TTC28: variants seen among roughly 807,000 people sequenced by gnomAD.
TTC28 encodes the protein tetratricopeptide repeat protein 28.
A neutral mutation model predicts 198.0 loss-of-function variants in TTC28; 61 were observed. That is an observed-to-expected ratio of 0.31 (90% CI 0.25 to 0.38). The LOEUF (loss-of-function observed/expected upper bound fraction) is 0.38. Ranked by LOEUF, TTC28 falls within the 10% of genes least tolerant of loss-of-function variation. The probability of loss-of-function intolerance (pLI) is 1.00; values close to 1 mark genes in which losing one functional copy is unlikely to be tolerated. For synonymous variants in TTC28, 1,171 were observed against 1,297.8 expected (o/e 0.90, Z 2.10); for missense variants, 2,678 against 3,164.0 (o/e 0.85, Z 3.69).
chr22:28,090,316 A>G, intron 12 of TTC28, among the ~76,000 whole-genome samples: 1 of 152,208 alleles, frequency 6.6e-6, no homozygotes, highest in Middle Eastern at 3.4e-3. Flanking sequence ...TATACTATAT[A>G]CAGTAATTCT....
At chr22:28,400,312 G>A (rs141370468) in intron 2 of TTC28, among the ~76,000 whole-genome samples, 28 of 152,214 alleles carry the variant, frequency 1.8e-4, no homozygotes, top group South Asian at 4.2e-4. Context: ...CAGTGTGTAC[G>A]GCTCCAGTCC....
intron 6 of TTC28, among the ~76,000 whole-genome samples, chr22:28,137,495 T>A (rs1342653335): frequency 1.3e-5 from 2 of 152,060 alleles, no homozygotes; most frequent in African/African-American, 2.4e-5. Flanking sequence ...GCAAGAACCT[T>A]AAACAAACAC....
At chr22:28,650,370 A>G (rs1195522605) in intron 1 of TTC28, among the ~76,000 whole-genome samples, 1 of 152,218 alleles carries the variant, frequency 6.6e-6, no homozygotes, top group Admixed American at 6.5e-5. Flanking sequence ...AAGACAATGA[A>G]AGGTGCAAAT....
chr22:28,304,647 G>A (rs1344207678), intron 3 of TTC28, among the ~76,000 whole-genome samples: 1 of 152,094 alleles, frequency 6.6e-6, no homozygotes, highest in Non-Finnish European at 1.5e-5. Flanking sequence ...TTCCAGCAGC[G>A]CAGGGAAGAT....
Position 28,231,040 on chromosome 22 carries a change from T to A in TTC28, c.933+65158A>T, listed in dbSNP as rs1334735040. ...GCCCAAGTTATCCCCAAGTACTTAT[T>A]TAGGTATGTTCTAAAGTCAGTATCT... On this transcript the variant is annotated intron_variant, in intron 5 of 22. Transcript: ENST00000397906. 7.9e-5 allele frequency among the ~76,000 whole-genome samples: 12 copies of A among 152,212 alleles called. No homozygotes were observed. In the East Asian group the frequency reaches 2.3e-3, roughly 29 times the overall value.
chr22:28,170,155 A>T (rs1922509929), intron 5 of TTC28, among the ~76,000 whole-genome samples: 1 of 152,182 alleles, frequency 6.6e-6, no homozygotes, highest in South Asian at 2.1e-4. Context: ...ATCTCTGTTA[A>T]TACCTATTAA....
In TTC28 at chr22:28,183,067, A is replaced by T. The variant is rs555144529; in HGVS notation, c.934-19468T>A. Reference sequence around the variant, plus strand: ...TTCAATGTCTTTTTTTTTTTTTTTTAAATGTTGTAGAGACTGAGTCTCGCT... The same window carrying T: ...TTCAATGTCTTTTTTTTTTTTTTTTTAATGTTGTAGAGACTGAGTCTCGCT... On this transcript the variant is annotated intron_variant, in intron 5 of 22. Coordinates refer to ENST00000397906, the MANE Select transcript of TTC28 (RefSeq NM_001145418.2). Among the ~76,000 whole-genome samples the T allele has an allele frequency of 1.3e-3, 197 of 147,240 alleles. 1 individual carries two copies. The highest frequency in any genetic ancestry group is 2.2e-3 in the Non-Finnish European group (147 of 66,758).
chr22:28,010,890 C>T (rs1003173040), intron 14 of TTC28, among the ~76,000 whole-genome samples: 1 of 152,206 alleles, frequency 6.6e-6, no homozygotes, highest in Non-Finnish European at 1.5e-5. Context: ...GACCCCATAC[C>T]ATTCCAGAAA....
At chr22:28,161,475 A>G (rs1921172161) in intron 6 of TTC28, among the ~76,000 whole-genome samples, 1 of 152,122 alleles carries the variant, frequency 6.6e-6, no homozygotes, top group South Asian at 2.1e-4. Flanking sequence ...TAGTGAGACC[A>G]TGACTCTACT....
At chr22:28,364,367 C>T (rs12165615) in intron 2 of TTC28, among the ~76,000 whole-genome samples, 1,755 of 152,294 alleles carry the variant, frequency 0.012, 33 homozygotes, top group African/African-American at 0.04. Flanking sequence ...ACTGCAAGTC[C>T]ATTGAACCTC....
chr22:28,195,916 C>T (rs1925287456), intron 5 of TTC28, among the ~76,000 whole-genome samples: 1 of 152,018 alleles, frequency 6.6e-6, no homozygotes, highest in African/African-American at 2.4e-5. Context: ...TGACTTTCTT[C>T]ACAGAACTGG....
chr22:28,339,375 A>G (rs537768510), intron 2 of TTC28, among the ~76,000 whole-genome samples: 1 of 152,116 alleles, frequency 6.6e-6, no homozygotes, highest in Non-Finnish European at 1.5e-5. Context: ...CCATTCTCAG[A>G]TCTCCAGCTG....
chr22:28,337,447 A>G (rs112511029), intron 2 of TTC28, among the ~76,000 whole-genome samples: 2 of 151,940 alleles, frequency 1.3e-5, no homozygotes, highest in South Asian at 2.1e-4. Flanking sequence ...GGGTGTTAAA[A>G]TCTCCCATTA....
intron 2 of TTC28, among the ~76,000 whole-genome samples, chr22:28,586,901 C>A (rs1340576088): frequency 6.6e-6 from 1 of 152,100 alleles, no homozygotes; most frequent in Admixed American, 6.6e-5. Flanking sequence ...GGACTTATTA[C>A]AAATCAGAGA....
chr22:28,573,487 TAA>T (rs1186309069), intron 2 of TTC28, among the ~76,000 whole-genome samples: 3 of 151,644 alleles, frequency 2.0e-5, no homozygotes, highest in South Asian at 2.1e-4. Flanking sequence ...AATAAATAAA[TAA>T]GAGAAGCAAT....
At position 27,993,290 on chromosome 22, in the gene TTC28, G is replaced by A. The variant is rs766293031; in HGVS notation, c.5473C>T (p.Leu1825=). Residue 1825 remains leucine (L), a synonymous_variant, in exon 18 of 23, where the codon CTG becomes TTG. Transcript: ENST00000397906. The part of the protein sequence containing the change: ...QQCSSTLQSL[L]GLPNPALQAL... ...CAGCCCTACACCCACAGCTCACCCA[G>A]CAGGGACTGGAGTGTGCTGCTGCAC... 18 of 1,530,118 alleles carry A rather than the reference G, an allele frequency of 1.2e-5. No individual in the cohort carries two copies. The highest frequency in any genetic ancestry group is 1.7e-4 in the Middle Eastern group (1 of 5,738). The allele number at this position is 1,530,118 out of a possible 1,614,324, so 94.8% of individuals were successfully genotyped here.
chr22:27,982,578 G>T lies in TTC28; in HGVS notation c.7089C>A (p.Phe2363Leu). Residue 2363 changes from phenylalanine to leucine, a missense_variant, in exon 23 of 23, where the codon TTC becomes TTA. Coordinates refer to ENST00000397906, the MANE Select transcript of TTC28 (RefSeq NM_001145418.2). This position sits in a 1 kb window ranked among gnomAD's most constrained non-coding sequence, Gnocchi z 5.2. The stretch of plus-strand genomic sequence containing the variant: ...TGGAATGCTGGGGTGTGCTCTGCCA[G>T]AACATCTTCAGGTTATGGACAGCCT... ...KVQAVHNLKM[F>L]WQSTPQHSTG... 6.4e-7 allele frequency: 1 copy of T among 1,551,790 alleles called. No homozygotes were observed. The highest frequency in any genetic ancestry group is 8.7e-7 in the Non-Finnish European group (1 of 1,147,020).
chr22:28,207,580 T>G (rs938211268), intron 5 of TTC28, among the ~76,000 whole-genome samples: 2 of 152,176 alleles, frequency 1.3e-5, no homozygotes, highest in African/African-American at 4.8e-5. Flanking sequence ...AAACCCATAA[T>G]GGAGTACCCA....
At chr22:28,390,834 T>A (rs1023460033) in intron 2 of TTC28, among the ~76,000 whole-genome samples, 1 of 152,174 alleles carries the variant, frequency 6.6e-6, no homozygotes, top group Non-Finnish European at 1.5e-5. Flanking sequence ...GAGCATTTAG[T>A]CCATTTACAT....
Sources: allele counts gnomAD v4.1 joint callset (sites outside exome capture counted in the v4.1 genomes callset), GRCh38; gene constraint gnomAD v4.1.1; non-coding constraint Gnocchi (gnomAD v3.1); transcripts MANE v1.5; gene names NCBI Gene and HGNC (gene_info 2026-07-23, HGNC 2026-07-21).